Variants in DOCK5 observed in about 807,000 individuals in gnomAD.
DOCK5 encodes the protein dedicator of cytokinesis 5, also known as dedicator of cytokinesis protein 5.
Under a neutral mutation model 251.8 loss-of-function variants are expected in DOCK5, and 142 were observed. The observed-to-expected ratio is 0.56, with a 90% CI of 0.49 to 0.65. The LOEUF is 0.65. Ranked by LOEUF, DOCK5 falls within the 30% of genes least tolerant of loss-of-function variation. DOCK5 has a pLI of 0.00. For synonymous variants in DOCK5, 842 were observed against 835.5 expected, an observed-to-expected ratio of 1.01 and a Z score of -0.13; for missense variants, 2,111 against 2,312.3, an observed-to-expected ratio of 0.91 and a Z score of 1.79.
intron 40 of DOCK5, among the ~76,000 whole-genome samples, chr8:25,387,550 A>G (rs1361624323): frequency 6.6e-6 from 1 of 152,156 alleles, no homozygotes; most frequent in East Asian, 1.9e-4. Context: ...TCAGTTGGGC[A>G]TAGATGCCAC....
chr8:25,388,066 C>T (rs370805267), intron 40 of DOCK5, among the ~76,000 whole-genome samples: 116 of 152,282 alleles, frequency 7.6e-4, no homozygotes, highest in African/African-American at 2.7e-3. Flanking sequence ...GTAGTTTTTA[C>T]TCCCTTCATT....
intron 40 of DOCK5, chr8:25,388,854 C>T: frequency 1.2e-5 from 6 of 487,088 alleles, no homozygotes; most frequent in East Asian, 7.0e-5. Flanking sequence ...TTGGGCCACA[C>T]TGGAAGAAGA....
intron 2 of DOCK5, among the ~76,000 whole-genome samples, chr8:25,251,992 CAAA>C (rs35842362): frequency 0.029 from 3,959 of 136,206 alleles, 205 homozygotes; most frequent in African/African-American, 0.099. Context: ...GACTCTATCT[CAAA>C]AAAAAAAAAA....
intron 11 of DOCK5, among the ~76,000 whole-genome samples, chr8:25,307,761 T>C (rs571566322): frequency 8.3e-4 from 127 of 152,298 alleles, no homozygotes; most frequent in Admixed American, 1.8e-3. Flanking sequence ...GAACCCTGCC[T>C]TAATTTCATT....
intron 5 of DOCK5, among the ~76,000 whole-genome samples, chr8:25,286,835 T>G (rs1039054066): frequency 6.6e-6 from 1 of 151,988 alleles, no homozygotes; most frequent in Non-Finnish European, 1.5e-5. Context: ...GGCTAATTTT[T>G]TATTTTTTGT....
intron 22 of DOCK5, among the ~76,000 whole-genome samples, chr8:25,339,225 A>G (rs999167740): frequency 1.3e-5 from 2 of 152,132 alleles, no homozygotes; most frequent in African/African-American, 2.4e-5. Flanking sequence ...TGAGCTCATT[A>G]CCTGGCTGGA....
At chr8:25,185,118 C>G (rs538174521) in intron 1 of DOCK5, among the ~76,000 whole-genome samples, 167 bp downstream of exon 1, 1 of 152,194 alleles carries the variant, frequency 6.6e-6, no homozygotes, top group Non-Finnish European at 1.5e-5. Context: ...CAGGGAGCGC[C>G]GATGGGGAAG....
intron 1 of DOCK5, among the ~76,000 whole-genome samples, chr8:25,189,383 CAG>C (rs1191263979): frequency 6.6e-6 from 1 of 151,916 alleles, no homozygotes; most frequent in African/African-American, 2.4e-5. Context: ...TCTTCTGAGA[CAG>C]GGTCTCGTTC....
chr8:25,363,666 G>T (rs1419944513), intron 29 of DOCK5, among the ~76,000 whole-genome samples: 1 of 152,160 alleles, frequency 6.6e-6, no homozygotes, highest in East Asian at 1.9e-4. Context: ...TGAAATTATA[G>T]GGCTTTTGAT....
chr8:25,385,079 G>A (rs1279966946), intron 40 of DOCK5, among the ~76,000 whole-genome samples: 5 of 152,190 alleles, frequency 3.3e-5, no homozygotes, highest in Admixed American at 3.3e-4. Flanking sequence ...GCAGGGCAGT[G>A]CCTTGAAAGG....
intron 23 of DOCK5, 125 bp downstream of exon 23, chr8:25,341,113 T>A (rs1414178427): frequency 1.6e-6 from 1 of 610,938 alleles, no homozygotes; most frequent in Admixed American, 3.3e-5. Flanking sequence ...GCTTATGAAT[T>A]TTAGTATGAT....
At chr8:25,367,283 G>T (rs1035215907) in intron 31 of DOCK5, among the ~76,000 whole-genome samples, 1 of 152,072 alleles carries the variant, frequency 6.6e-6, no homozygotes, top group South Asian at 2.1e-4. Flanking sequence ...CAAATTGCAG[G>T]CATAGTACCT....
chr8:25,334,192 T>C lies in DOCK5; in HGVS notation c.2188T>C (p.Tyr730His). 1 of 1,610,160 alleles carries C rather than the reference T, an allele frequency of 6.2e-7. No homozygotes were observed. The highest frequency in any genetic ancestry group is 8.5e-7 in the Non-Finnish European group (1 of 1,176,400). Residue 730 changes from tyrosine (Y) to histidine (H), a missense_variant, in exon 21 of 52, where the codon TAT becomes CAT. By Grantham distance (83) the Tyr-to-His change is moderately conservative (BLOSUM62 2). This residue lies in a region of DOCK5 where 1,717 missense variants were observed against 1,892.4 expected (regional missense o/e 0.91). Coordinates refer to ENST00000276440, the MANE Select transcript of DOCK5 (RefSeq NM_024940.8). The stretch of plus-strand genomic sequence containing the variant: ...CAAGCACTTCAGCGCCACTTTGGCA[T>C]ATGTGTAAGTATGATCTGAAGGAAC... The part of the protein sequence containing the change: ...IYKHFSATLA[Y>H]VKLSKVLNFY...
chr8:25,354,052 AC>A (rs953773636), intron 27 of DOCK5, among the ~76,000 whole-genome samples: 504 of 23,704 alleles, frequency 0.021, 61 homozygotes, highest in African/African-American at 0.045. Flanking sequence ...AAAAAAACAA[AC>A]AAAAAAAAAA....
At chr8:25,203,609 A>G (rs1801931138) in intron 1 of DOCK5, among the ~76,000 whole-genome samples, 1 of 152,184 alleles carries the variant, frequency 6.6e-6, no homozygotes, top group African/African-American at 2.4e-5. Flanking sequence ...CAAACCCTGT[A>G]TCACTCTCCT....
chr8:25,411,207 T>A lies in DOCK5; in HGVS notation c.5522T>A (p.Leu1841Gln). ...QRNSTELAPP[L>Q]PVRREAKAPP... ...CTGCTTCTGCAGCTCGCTCCCCCAC[T>A]GCCTGTCCGAAGAGAAGCCAAAGCA... is the stretch of plus-strand genomic sequence containing the variant. The change falls in exon 52 of 52, where the codon CTG becomes CAG. Residue 1841 changes from leucine to glutamine, a missense_variant. Leu to Gln is a moderately radical substitution (Grantham distance 113). Around this residue, in one of 3 missense-constraint regions of DOCK5, gnomAD observed 1,717 missense variants for 1,892.4 expected, o/e 0.91. Transcript: ENST00000276440. 1 of 1,588,754 alleles carries A rather than the reference T, an allele frequency of 6.3e-7. No individual in the cohort carries two copies. Among genetic ancestry groups the A allele is most frequent in the South Asian group, 1.1e-5 (1 of 87,268 alleles).
chr8:25,312,517 C>A (rs556483249), intron 13 of DOCK5, among the ~76,000 whole-genome samples: 3 of 152,116 alleles, frequency 2.0e-5, no homozygotes, highest in Non-Finnish European at 2.9e-5. Flanking sequence ...AATCCCAGCA[C>A]TTTGGGAAGC....
intron 1 of DOCK5, among the ~76,000 whole-genome samples, chr8:25,227,453 A>T (rs901070953): frequency 3.3e-5 from 5 of 151,878 alleles, no homozygotes; most frequent in Non-Finnish European, 5.9e-5. Flanking sequence ...ACATAATTAT[A>T]TGCATTTTGG....
chr8:25,339,319 G>T (rs897121436), intron 22 of DOCK5, among the ~76,000 whole-genome samples: 128 of 152,124 alleles, frequency 8.4e-4, no homozygotes, highest in African/African-American at 3.0e-3. Context: ...TAATCCCTTA[G>T]CCCCCTATCA....
Sources: gnomAD v4.1 joint callset for allele counts (sites outside exome capture counted in the v4.1 genomes callset) on GRCh38, gnomAD v4.1.1 for gene constraint, gnomAD v4.1.1 regional missense constraint, MANE v1.5 for transcripts, NCBI Gene and HGNC (gene_info 2026-07-23, HGNC 2026-07-21) for gene names.